The following RHBDF2 variants were observed in gnomAD, a reference collection of about 807,000 sequenced individuals.
The protein encoded by RHBDF2 is rhomboid 5 homolog 2.
Under a neutral mutation model 95.2 loss-of-function variants are expected in RHBDF2, and 38 were observed. The ratio of observed to expected loss-of-function variants is 0.40; its 90% CI spans 0.31 to 0.52. The LOEUF is 0.52. Ranked by LOEUF, RHBDF2 falls within the 20% of genes least tolerant of loss-of-function variation. RHBDF2 has a pLI of 0.56. For synonymous variants in RHBDF2, 442 were observed against 462.0 expected, an observed-to-expected ratio of 0.96 and a Z score of 0.55; for missense variants, 863 against 1,137.7, an observed-to-expected ratio of 0.76 and a Z score of 3.47.
intron 3 of RHBDF2, 155 bp from the exon 4 acceptor site, chr17:76,480,009 G>GTGTGTGTA: frequency 1.5e-5 from 1 of 68,926 alleles, no homozygotes; most frequent in South Asian, 1.5e-4. Flanking sequence ...TATATATAAT[G>GTGTGTGTA]TGTGTGTGTG....
rs553191331 is a variant in RHBDF2 at position 76,477,428 on chromosome 17, C to T, written c.802-130G>A. On this transcript the variant is annotated intron_variant, in intron 7 of 18. Coordinates refer to ENST00000675367, the MANE Select transcript of RHBDF2 (RefSeq NM_001005498.4). ...ACAATGAATTGGGAAGCCACATGCC[C>T]GTCAGCCCCAATGGTGACTTTCCCG... 3.4e-4 allele frequency: 425 copies of T among 1,252,372 alleles called. 1 individual carries two copies. The African/African-American group carries it at 5.6e-3, about 17-fold the overall frequency. 77.6% of individuals were successfully genotyped at this position (1,252,372 alleles called of 1,614,324 possible). A position where few individuals can be genotyped will look rare whatever the true frequency, so the allele number is the denominator to read the frequency against.
chr17:76,480,371 G>A (rs567259431), intron 3 of RHBDF2, among the ~76,000 whole-genome samples: 13 of 151,948 alleles, frequency 8.6e-5, no homozygotes, highest in Non-Finnish European at 1.6e-4. Context: ...ACAGGCATGA[G>A]CTACCATGCC....
chr17:76,481,654 G>T, intron 2 of RHBDF2, 109 bp from the exon 3 acceptor site: 1 of 1,048,990 alleles, frequency 9.5e-7, no homozygotes, highest in Non-Finnish European at 1.3e-6. Context: ...GCCTAAAGTT[G>T]GTTCAAACAT....
At chr17:76,500,659 C>A (rs1320780072) in intron 1 of RHBDF2, among the ~76,000 whole-genome samples, 2 of 152,198 alleles carry the variant, frequency 1.3e-5, no homozygotes, top group East Asian at 1.9e-4. Flanking sequence ...GCTTCCTTTG[C>A]GCCCTGGCGT....
chr17:76,486,952 C>CTT (rs34202592), intron 2 of RHBDF2, among the ~76,000 whole-genome samples: 2,068 of 72,524 alleles, frequency 0.029, 88 homozygotes, highest in South Asian at 0.096. Flanking sequence ...CGCTTCCTGC[C>CTT]TTTTTTTTTT....
intron 3 of RHBDF2, among the ~76,000 whole-genome samples, chr17:76,480,786 C>T (rs1311380649): frequency 3.3e-5 from 5 of 152,206 alleles, no homozygotes; most frequent in East Asian, 1.9e-4. Context: ...TGCACCATGA[C>T]GCTCCTGCCT....
At chr17:76,480,099 TG>T (rs34961789) in intron 3 of RHBDF2, among the ~76,000 whole-genome samples, 501 of 34,586 alleles carry the variant, frequency 0.014, 40 homozygotes, top group Non-Finnish European at 0.021. Context: ...TTTTTTTTTT[TG>T]GAGATGGAAT....
At position 76,480,024 on chromosome 17, in the gene RHBDF2, TGTGTGTGTG is replaced by T; in HGVS notation, c.151-179_151-171del. The T allele has an allele frequency of 7.3e-6, 3 of 413,712 alleles. No homozygotes were observed. In the Admixed American group the frequency reaches 1.3e-4, roughly 18 times the overall value. The allele number at this position is 413,712 out of a possible 1,614,324, so 25.6% of individuals were successfully genotyped here. A position where few individuals can be genotyped will look rare whatever the true frequency, so the allele number is the denominator to read the frequency against. On this transcript the variant is annotated intron_variant, in intron 3 of 18. Transcript: ENST00000675367. ...TATATATAATGTGTGTGTGTGTGTG[TGTGTGTGTG>T]TGTGTGTGTTTGTATATGTATATAT... is the stretch of plus-strand genomic sequence containing the variant.
intron 2 of RHBDF2, among the ~76,000 whole-genome samples, chr17:76,484,119 T>G (rs991631780): frequency 6.6e-6 from 1 of 151,932 alleles, no homozygotes; most frequent in Non-Finnish European, 1.5e-5. Flanking sequence ...AAAAATTAGC[T>G]GGGTGTGGTG....
At chr17:76,496,661 G>T (rs992322306) in intron 1 of RHBDF2, among the ~76,000 whole-genome samples, 1 of 152,168 alleles carries the variant, frequency 6.6e-6, no homozygotes, top group Non-Finnish European at 1.5e-5. Flanking sequence ...TCATCCTCAC[G>T]GGCTGGCAAG....
At chr17:76,498,837 TC>T in intron 1 of RHBDF2, among the ~76,000 whole-genome samples, 1 of 142,524 alleles carries the variant, frequency 7.0e-6, no homozygotes, top group African/African-American at 2.9e-5. Context: ...TCTGTGTGTG[TC>T]TGTGTGTTTG....
chr17:76,492,114 C>A (rs3744046), intron 1 of RHBDF2, among the ~76,000 whole-genome samples: 5,777 of 152,294 alleles, frequency 0.038, 173 homozygotes, highest in South Asian at 0.11. Context: ...TCAGCCCCAG[C>A]CCAGCTGGGA....
At chr17:76,480,603 C>T (rs1001201746) in intron 3 of RHBDF2, among the ~76,000 whole-genome samples, 13 of 152,094 alleles carry the variant, frequency 8.5e-5, no homozygotes, top group Admixed American at 8.5e-4. Flanking sequence ...CTAGTCTGGT[C>T]TCGAACTCCT....
chr17:76,478,071 A>C (rs1372861256), intron 6 of RHBDF2, among the ~76,000 whole-genome samples: 1 of 151,996 alleles, frequency 6.6e-6, no homozygotes, highest in East Asian at 1.9e-4. Flanking sequence ...GGCTGCTGGT[A>C]CCCTAACACT....
At chr17:76,489,907 G>A (rs1395475107) in intron 1 of RHBDF2, among the ~76,000 whole-genome samples, 1 of 152,094 alleles carries the variant, frequency 6.6e-6, no homozygotes, top group Non-Finnish European at 1.5e-5. Flanking sequence ...CCAGGGCCTG[G>A]AGGCTCCTAG....
intron 4 of RHBDF2, 24 bp downstream of exon 4, chr17:76,479,709 G>C (rs746046084): frequency 6.3e-7 from 1 of 1,580,610 alleles, no homozygotes; most frequent in Non-Finnish European, 8.6e-7. Flanking sequence ...GGGGGGTGCT[G>C]GGCTTGGGTG....
rs922668762 is a variant in RHBDF2, at chr17:76,476,879, T to C, written c.1066A>G (p.Ser356Gly). Reference protein sequence around the residue: ...GNWLNRSYRRSISSTVQRQLE... With the variant: ...GNWLNRSYRRGISSTVQRQLE... ...TGCCGCTGCACAGTGCTGCTGATGC[T>C]GCGGCGGTAGCTGCGGTTCAGCCAG... is the stretch of plus-strand genomic sequence containing the variant. The change falls in exon 9 of 19, where the codon AGC becomes GGC. Residue 356 changes from serine (S) to glycine (G), a missense_variant. Ser to Gly is a moderately conservative substitution (Grantham distance 56). This residue lies in a region of RHBDF2 where 611 missense variants were observed against 725.5 expected (regional missense o/e 0.84). Coordinates refer to ENST00000675367, the MANE Select transcript of RHBDF2 (RefSeq NM_001005498.4). 8.1e-6 allele frequency: 13 copies of C among 1,612,390 alleles called. No homozygotes were observed. Among genetic ancestry groups the C allele is most frequent in the East Asian group, 2.2e-5 (1 of 44,874 alleles).
chr17:76,491,439 G>T (rs1002368966), intron 1 of RHBDF2, among the ~76,000 whole-genome samples: 3 of 152,144 alleles, frequency 2.0e-5, no homozygotes, highest in African/African-American at 7.2e-5. Context: ...AGTTGGGGGG[G>T]GGTCCCGAAG....
At chr17:76,478,733 T>A in intron 6 of RHBDF2, 73 bp downstream of exon 6, 2 of 1,269,002 alleles carry the variant, frequency 1.6e-6, no homozygotes, top group Non-Finnish European at 2.2e-6. Context: ...GATGCTACTA[T>A]GAGGAGTGGA....
Sources: allele counts gnomAD v4.1 joint callset (sites outside exome capture counted in the v4.1 genomes callset), GRCh38; gene constraint gnomAD v4.1.1; regional missense constraint gnomAD v4.1.1; transcripts MANE v1.5; gene names NCBI Gene and HGNC (gene_info 2026-07-23, HGNC 2026-07-21).